TMEM163: variants seen among roughly 807,000 people sequenced by gnomAD.
The protein encoded by TMEM163 is transmembrane protein 163.
TMEM163 carries 17 observed loss-of-function variants against 29.3 expected under a neutral mutation model. The ratio of observed to expected loss-of-function variants is 0.58; its 90% CI spans 0.40 to 0.87. The LOEUF (loss-of-function observed/expected upper bound fraction) is 0.87, where lower values mean the gene tolerates loss of function less well. Among genes scored for constraint, TMEM163 ranks in the 40% least tolerant of loss-of-function variants. The probability of loss-of-function intolerance (pLI) is 0.00; values close to 1 mark genes in which losing one functional copy is unlikely to be tolerated. For synonymous variants in TMEM163, 157 were observed against 160.6 expected (o/e 0.98, Z 0.17); for missense variants, 303 against 381.5 (o/e 0.79, Z 1.71).
At chr2:134,519,619 G>T (rs1381691558) in intron 4 of TMEM163, among the ~76,000 whole-genome samples, 1 of 152,080 alleles carries the variant, frequency 6.6e-6, no homozygotes, top group Non-Finnish European at 1.5e-5. Context: ...GGCTGAGGCA[G>T]GAGAATGGCC....
intron 2 of TMEM163, among the ~76,000 whole-genome samples, chr2:134,703,832 T>A (rs553686525): frequency 1.4e-4 from 20 of 145,128 alleles, no homozygotes; most frequent in Non-Finnish European, 1.8e-4. Context: ...TATAACTACA[T>A]CCATGTTAGA....
At chr2:134,659,407 G>A (rs186317381) in intron 2 of TMEM163, among the ~76,000 whole-genome samples, 1 of 152,330 alleles carries the variant, frequency 6.6e-6, no homozygotes, top group African/African-American at 2.4e-5. Flanking sequence ...GCTTAGCACA[G>A]ACCGTAGAGG....
chr2:134,640,299 C>T (rs1436973782), intron 2 of TMEM163, among the ~76,000 whole-genome samples: 1 of 152,090 alleles, frequency 6.6e-6, no homozygotes, highest in Non-Finnish European at 1.5e-5. Context: ...AGCCTTCTCC[C>T]CTCACGCCCA....
At chr2:134,488,808 G>T (rs1224248328) in intron 5 of TMEM163, among the ~76,000 whole-genome samples, 2 of 151,984 alleles carry the variant, frequency 1.3e-5, no homozygotes, top group African/African-American at 4.8e-5. Flanking sequence ...AGATAAATGG[G>T]CAAAACATAT....
intron 2 of TMEM163, among the ~76,000 whole-genome samples, chr2:134,707,910 T>C (rs1316984909): frequency 6.6e-6 from 1 of 151,370 alleles, no homozygotes; most frequent in African/African-American, 2.4e-5. Context: ...TTTTTTTTTT[T>C]TTTTTTGAGA....
intron 5 of TMEM163, among the ~76,000 whole-genome samples, chr2:134,494,186 T>A (rs1481986080): frequency 6.6e-6 from 1 of 152,168 alleles, no homozygotes; most frequent in Non-Finnish European, 1.5e-5. Flanking sequence ...GTTGGTAGGT[T>A]CTTGCTCTAG....
At position 134,458,189 on chromosome 2, in the gene TMEM163, A is replaced by T; in HGVS notation, c.668-16T>A. The T allele has an allele frequency of 3.1e-6, 5 of 1,613,938 alleles. No individual in the cohort carries two copies. The South Asian group carries it at 5.5e-5, about 18-fold the overall frequency. The stretch of plus-strand genomic sequence containing the variant: ...GAGTTAAACCCTGCAAAGGAAGTGG[A>T]GAGAGGCTAGATGGCAGTGCCAAGC... On this transcript the variant is annotated splice_polypyrimidine_tract_variant and intron_variant, in intron 6 of 7. Transcript: ENST00000281924.
chr2:134,584,918 G>C (rs549858479), intron 2 of TMEM163, among the ~76,000 whole-genome samples: 1 of 152,148 alleles, frequency 6.6e-6, no homozygotes, highest in South Asian at 2.1e-4. Flanking sequence ...AAGCAGCAGA[G>C]TCCAATGCCC....
intron 2 of TMEM163, among the ~76,000 whole-genome samples, chr2:134,647,699 T>C (rs1360952004): frequency 1.3e-5 from 2 of 152,228 alleles, no homozygotes; most frequent in Admixed American, 6.5e-5. Flanking sequence ...AAACTTTCCC[T>C]GACTCCTTCA....
intron 2 of TMEM163, among the ~76,000 whole-genome samples, chr2:134,587,591 T>C (rs1489451885): frequency 1.3e-5 from 2 of 152,158 alleles, no homozygotes; most frequent in African/African-American, 2.4e-5. Flanking sequence ...CGTGGTTCAA[T>C]CACACAGTCA....
At chr2:134,508,770 C>G (rs1310547160) in intron 4 of TMEM163, among the ~76,000 whole-genome samples, 1 of 151,506 alleles carries the variant, frequency 6.6e-6, no homozygotes, top group Admixed American at 6.6e-5. Context: ...ACTCCAGCCC[C>G]TCATCCTCTC....
intron 2 of TMEM163, among the ~76,000 whole-genome samples, chr2:134,673,853 A>T (rs1489167465): frequency 6.6e-6 from 1 of 152,258 alleles, no homozygotes; most frequent in Non-Finnish European, 1.5e-5. Flanking sequence ...TCTGTCCTTC[A>T]GAACTGTCAG....
rs749456388 is a variant in TMEM163, at chr2:134,524,087, C to T, written c.459-21090G>A. Among the ~76,000 whole-genome samples the T allele has an allele frequency of 2.6e-5, 4 of 152,176 alleles. No homozygotes were observed. The East Asian group carries it at 5.8e-4, about 22-fold the overall frequency. On this transcript the variant is annotated intron_variant, in intron 4 of 7. Coordinates refer to ENST00000281924, the MANE Select transcript of TMEM163 (RefSeq NM_030923.5). ...AGTGTGGTTCTTGGACCAGCAGCAG[C>T]GACATAACCCAGGATCTCAGAATCT...
chr2:134,611,406 G>A (rs1332133486), intron 2 of TMEM163, among the ~76,000 whole-genome samples: 2 of 152,202 alleles, frequency 1.3e-5, no homozygotes, highest in Admixed American at 6.5e-5. Context: ...AAAATATAAT[G>A]AAGTGTTAAA....
chr2:134,541,782 A>G (rs1680675827), intron 4 of TMEM163, among the ~76,000 whole-genome samples: 1 of 151,176 alleles, frequency 6.6e-6, no homozygotes, highest in Admixed American at 6.6e-5. Context: ...GCACACACAC[A>G]CACACACACA....
rs558885031 is a variant in TMEM163, at chr2:134,522,498, G to A, written c.459-19501C>T. On this transcript the variant is annotated intron_variant, in intron 4 of 7. Coordinates refer to ENST00000281924, the MANE Select transcript of TMEM163 (RefSeq NM_030923.5). ...CCGAAGTGCTAGCACTTTAAGGCCT[G>A]TGGATTCATGGACTGGATAATTTGC... Among the ~76,000 whole-genome samples the A allele has an allele frequency of 1.4e-3, 214 of 152,352 alleles. 1 individual carries two copies. The highest frequency in any genetic ancestry group is 4.9e-3 in the African/African-American group (203 of 41,582).
chr2:134,532,092 G>A (rs1401615838), intron 4 of TMEM163, among the ~76,000 whole-genome samples: 1 of 152,210 alleles, frequency 6.6e-6, no homozygotes, highest in Admixed American at 6.5e-5. Context: ...GACTCAGTTG[G>A]TTTCAAAACA....
chr2:134,578,223 A>G (rs1681609787), intron 2 of TMEM163, among the ~76,000 whole-genome samples: 2 of 152,218 alleles, frequency 1.3e-5, no homozygotes, highest in South Asian at 4.1e-4. Flanking sequence ...TCTTAAGCAC[A>G]AGATTTTGCT....
chr2:134,642,412 G>A (rs899090179), intron 2 of TMEM163, among the ~76,000 whole-genome samples: 1 of 151,998 alleles, frequency 6.6e-6, no homozygotes, highest in Non-Finnish European at 1.5e-5. Context: ...TTACAGGCAC[G>A]AGCCACCGCG....
Sources: gnomAD v4.1 joint callset for allele counts (sites outside exome capture counted in the v4.1 genomes callset) on GRCh38, gnomAD v4.1.1 for gene constraint, MANE v1.5 for transcripts, NCBI Gene and HGNC (gene_info 2026-07-23, HGNC 2026-07-21) for gene names.